PARD3: variants seen among roughly 807,000 people sequenced by gnomAD.
PARD3 encodes partitioning defective 3 homolog.
A neutral mutation model predicts 155.4 loss-of-function variants in PARD3; 75 were observed. The ratio of observed to expected loss-of-function variants is 0.48; its 90% CI spans 0.40 to 0.58. PARD3 has a LOEUF of 0.58. Ranked by LOEUF, PARD3 falls within the 20% of genes least tolerant of loss-of-function variation. PARD3 has a pLI of 0.00. For missense variants in PARD3, 1,642 were observed against 1,721.7 expected, an observed-to-expected ratio of 0.95 and a Z score of 0.82; for synonymous variants, 576 against 610.5, an observed-to-expected ratio of 0.94 and a Z score of 0.83.
chr10:34,489,063 C>G (rs986460711), intron 3 of PARD3, among the ~76,000 whole-genome samples: 1 of 152,118 alleles, frequency 6.6e-6, no homozygotes, highest in Non-Finnish European at 1.5e-5. Context: ...TACAGCTGGG[C>G]GCAATGGTTC....
At chr10:34,252,208 C>T (rs1226988555) in intron 22 of PARD3, among the ~76,000 whole-genome samples, 1 of 152,082 alleles carries the variant, frequency 6.6e-6, no homozygotes, top group African/African-American at 2.4e-5. Context: ...GCCTGCCTGC[C>T]CCCAGCTGCT....
intron 2 of PARD3, among the ~76,000 whole-genome samples, chr10:34,629,554 T>A (rs1043176195): frequency 2.0e-5 from 3 of 152,234 alleles, no homozygotes; most frequent in Non-Finnish European, 4.4e-5. Flanking sequence ...GAAAGATCAC[T>A]TCCAATCTGC....
intron 19 of PARD3, among the ~76,000 whole-genome samples, chr10:34,330,228 T>C (rs933014690): frequency 6.6e-6 from 1 of 152,186 alleles, no homozygotes; most frequent in South Asian, 2.1e-4. Context: ...CCTAAGCCCT[T>C]TTGCTTCTTA....
At chr10:34,703,896 G>C (rs1301153185) in intron 1 of PARD3, among the ~76,000 whole-genome samples, 3 of 151,924 alleles carry the variant, frequency 2.0e-5, no homozygotes. Context: ...AAAGTATGAA[G>C]GTAGAAAAAA....
At chr10:34,797,543 T>A (rs911479401) in intron 1 of PARD3, among the ~76,000 whole-genome samples, 13 of 152,144 alleles carry the variant, frequency 8.5e-5, no homozygotes, top group African/African-American at 2.7e-4. Context: ...CTCCATCCAA[T>A]AAAAATGGAT....
intron 1 of PARD3, among the ~76,000 whole-genome samples, chr10:34,740,765 C>G (rs1040789896): frequency 6.6e-5 from 10 of 151,894 alleles, no homozygotes; most frequent in African/African-American, 2.4e-4. Context: ...AAAAAATTGA[C>G]GTATATCTTT....
At chr10:34,210,248 G>A (rs1213896265) in intron 22 of PARD3, among the ~76,000 whole-genome samples, 1 of 152,074 alleles carries the variant, frequency 6.6e-6, no homozygotes, top group African/African-American at 2.4e-5. Flanking sequence ...TGTGTGTAGT[G>A]CAGGTGGTGG....
At chr10:34,518,110 C>T (rs959988845) in intron 2 of PARD3, among the ~76,000 whole-genome samples, 4 of 152,238 alleles carry the variant, frequency 2.6e-5, no homozygotes, top group African/African-American at 9.6e-5. Flanking sequence ...AACTTCTGAC[C>T]TCAACTGTTC....
chr10:34,757,584 G>A (rs944043581), intron 1 of PARD3, among the ~76,000 whole-genome samples: 3 of 151,938 alleles, frequency 2.0e-5, no homozygotes, highest in Non-Finnish European at 2.9e-5. Flanking sequence ...GGTGGCTCAC[G>A]CCTATAAACC....
chr10:34,644,518 A>AT (rs538784862), intron 2 of PARD3, among the ~76,000 whole-genome samples: 131 of 152,372 alleles, frequency 8.6e-4, no homozygotes, highest in African/African-American at 2.7e-3. Context: ...GGTTTCAGGC[A>AT]TGTTAAACCC....
At chr10:34,561,589 G>C (rs1312829404) in intron 2 of PARD3, among the ~76,000 whole-genome samples, 1 of 151,814 alleles carries the variant, frequency 6.6e-6, no homozygotes, top group African/African-American at 2.4e-5. Flanking sequence ...CGCGATCTCG[G>C]CTCACTGCAA....
intron 2 of PARD3, among the ~76,000 whole-genome samples, chr10:34,552,957 C>T (rs2084706443): frequency 6.6e-6 from 1 of 152,176 alleles, no homozygotes; most frequent in South Asian, 2.1e-4. Flanking sequence ...TACGTCAATG[C>T]CAACTTGAAG....
intron 22 of PARD3, among the ~76,000 whole-genome samples, chr10:34,255,031 A>G (rs1408544741): frequency 6.6e-6 from 1 of 152,232 alleles, no homozygotes; most frequent in Non-Finnish European, 1.5e-5. Context: ...AGTTTTTGTT[A>G]CAAAGCAGGT....
intron 16 of PARD3, among the ~76,000 whole-genome samples, chr10:34,339,123 A>G (rs1170795254): frequency 6.6e-6 from 1 of 152,238 alleles, no homozygotes; most frequent in Non-Finnish European, 1.5e-5. Context: ...TGCAACAGCA[A>G]ACTCTAAATA....
At chr10:34,551,459 C>T (rs138018803) in intron 2 of PARD3, among the ~76,000 whole-genome samples, 5 of 152,308 alleles carry the variant, frequency 3.3e-5, no homozygotes, top group Non-Finnish European at 7.3e-5. Flanking sequence ...TAACAGGCCA[C>T]CTCAGGGTCA....
At chr10:34,710,757 A>G (rs2094438151) in intron 1 of PARD3, among the ~76,000 whole-genome samples, 1 of 152,238 alleles carries the variant, frequency 6.6e-6, no homozygotes, top group South Asian at 2.1e-4. Flanking sequence ...AAGATGCTCA[A>G]TAAATACTGG....
intron 2 of PARD3, among the ~76,000 whole-genome samples, chr10:34,630,141 T>C (rs1467977664): frequency 1.3e-5 from 2 of 152,212 alleles, no homozygotes; most frequent in African/African-American, 4.8e-5. Flanking sequence ...ATGGTACTCC[T>C]GGAGTTTAGA....
chr10:34,620,589 T>G (rs1480825013), intron 2 of PARD3, among the ~76,000 whole-genome samples: 1 of 152,242 alleles, frequency 6.6e-6, no homozygotes, highest in East Asian at 1.9e-4. Context: ...GGATGGAGCA[T>G]TACATCAACC....
At chr10:34,125,665 G>T (rs1029009015) in intron 23 of PARD3, among the ~76,000 whole-genome samples, 1 of 152,202 alleles carries the variant, frequency 6.6e-6, no homozygotes, top group Non-Finnish European at 1.5e-5. Context: ...ATTAAAGTCT[G>T]AAACAGGAAA....
Sources: gnomAD v4.1 joint callset for allele counts (sites outside exome capture counted in the v4.1 genomes callset) on GRCh38, gnomAD v4.1.1 for gene constraint, MANE v1.5 for transcripts, NCBI Gene and HGNC (gene_info 2026-07-23, HGNC 2026-07-21) for gene names.